POLR2H: variants seen among roughly 807,000 people sequenced by gnomAD.
The protein encoded by POLR2H is RNA polymerase II, I and III subunit H.
In POLR2H, 3 loss-of-function variants were observed where a neutral mutation model predicts 18.1. That is an observed-to-expected ratio of 0.17 (90% confidence interval 0.08 to 0.43). The LOEUF (loss-of-function observed/expected upper bound fraction) is 0.43, where lower values mean the gene tolerates loss of function less well. POLR2H is among the 20% of genes least tolerant of loss of function. POLR2H has a pLI of 0.99. For missense variants in POLR2H, 103 were observed against 184.6 expected (o/e 0.56, Z 2.56); for synonymous variants, 76 against 69.0 (o/e 1.10, Z -0.50).
In POLR2H at chr3:184,366,861, T is replaced by C. The variant is rs945293640; in HGVS notation, c.335+61T>C. On this transcript the variant is annotated intron_variant, in intron 5 of 5. Transcript: ENST00000456318. Reference sequence around the variant, plus strand: ...TTCCATGTTCTGAGACTTTGAGCTATGCTCCTGCTTCCTCTGTTGAGTCCC... The same window carrying C: ...TTCCATGTTCTGAGACTTTGAGCTACGCTCCTGCTTCCTCTGTTGAGTCCC... The C allele has an allele frequency of 4.0e-6, 4 of 997,364 alleles. No homozygotes were observed. The East Asian group carries it at 7.3e-5, about 18-fold the overall frequency. 61.8% of individuals were successfully genotyped at this position (997,364 alleles called of 1,614,324 possible).
intron 3 of POLR2H, 35 bp downstream of exon 3, chr3:184,365,084 T>G (rs1302700029): frequency 2.5e-6 from 4 of 1,584,532 alleles, no homozygotes; most frequent in Non-Finnish European, 3.5e-6. Context: ...TAAGAGACTT[T>G]TTGCTGCTTC....
At chr3:184,367,662 T>G (rs868228412) in intron 5 of POLR2H, among the ~76,000 whole-genome samples, 12 of 152,008 alleles carry the variant, frequency 7.9e-5, no homozygotes, top group Admixed American at 2.0e-4. Flanking sequence ...AATTTTTTTT[T>G]TGTATTTTTA....
At chr3:184,368,146 C>G (rs777039462) in intron 5 of POLR2H, 31 bp from the exon 6 acceptor site, 1 of 1,613,892 alleles carries the variant, frequency 6.2e-7, no homozygotes, top group South Asian at 1.1e-5. Flanking sequence ...GGCAGTGCTC[C>G]AGAATCACGG....
intron 2 of POLR2H, 88 bp downstream of exon 2, chr3:184,363,653 C>A (rs1053435935): frequency 2.1e-6 from 2 of 960,508 alleles, no homozygotes; most frequent in Admixed American, 2.0e-5. Context: ...GCTCTTGTGG[C>A]CTGCCCCTAC....
At chr3:184,366,585 G>A (rs1021486978) in intron 4 of POLR2H, 132 bp from the exon 5 acceptor site, 13 of 564,670 alleles carry the variant, frequency 2.3e-5, no homozygotes, top group African/African-American at 5.7e-5. Context: ...TGATCTGCCC[G>A]CCTTGGCCTC....
chr3:184,363,178 G>A lies in POLR2H; in HGVS notation c.-315G>A. On this transcript the variant is annotated 5_prime_UTR_variant, in exon 2 of 6. Transcript: ENST00000456318. The stretch of plus-strand genomic sequence containing the variant: ...AAGAGGGCGCAGTAGGGCCCCAGCG[G>A]AGCGCGAGAACCCGCTCTACAGCCT... 2.3e-6 allele frequency: 1 copy of A among 427,338 alleles called. No homozygotes were observed. The highest frequency in any genetic ancestry group is 2.1e-5 in the South Asian group (1 of 48,140). The allele number at this position is 427,338 out of a possible 1,614,324, so 26.5% of individuals were successfully genotyped here.
intron 5 of POLR2H, among the ~76,000 whole-genome samples, chr3:184,367,504 TG>T (rs1022110352): frequency 6.6e-6 from 1 of 151,594 alleles, no homozygotes; most frequent in Non-Finnish European, 1.5e-5. Flanking sequence ...TTTTTTTTTT[TG>T]AGATGGAGTC....
intron 4 of POLR2H, among the ~76,000 whole-genome samples, chr3:184,365,789 C>T (rs1179328048): frequency 2.0e-5 from 3 of 151,408 alleles, no homozygotes; most frequent in Non-Finnish European, 2.9e-5. Context: ...CTGGCTAAAA[C>T]GGTGAAACCC....
intron 4 of POLR2H, chr3:184,366,414 T>C (rs1167870840): frequency 5.2e-6 from 1 of 193,162 alleles, no homozygotes; most frequent in African/African-American, 2.4e-5. Context: ...CTCAGTTCAC[T>C]GCAAGCTCCG....
Position 184,364,954 on chromosome 3 carries a change from G to C in POLR2H, c.74-12G>C. The stretch of plus-strand genomic sequence containing the variant: ...GCAATACCTCTGTCACTCTTTTCCT[G>C]CTTCTCCCCAGTGTCTCGACTGCAT... On this transcript the variant is annotated splice_polypyrimidine_tract_variant and intron_variant, in intron 2 of 5. Transcript: ENST00000456318. 2 of 1,591,164 alleles carry C rather than the reference G, an allele frequency of 1.3e-6. No individual in the cohort carries two copies. The highest frequency in any genetic ancestry group is 1.7e-6 in the Non-Finnish European group (2 of 1,159,102).
chr3:184,363,696 A>G (rs1437265744), intron 2 of POLR2H, 131 bp downstream of exon 2: 3 of 656,862 alleles, frequency 4.6e-6, no homozygotes, highest in Middle Eastern at 3.0e-4. Flanking sequence ...CTCCCTCAGT[A>G]AACATTTTAT....
At position 184,368,412 on chromosome 3, in the gene POLR2H, G is replaced by T; in HGVS notation, c.*118G>T. On this transcript the variant is annotated 3_prime_UTR_variant, in exon 6 of 6. Coordinates refer to ENST00000456318, the MANE Select transcript of POLR2H (RefSeq NM_006232.5). Reference sequence around the variant, plus strand: ...AAGGGCTGGCTCACTGTCCACCGTGGCGGCATCTTTAACTGGCCTCCACTC... The same window carrying T: ...AAGGGCTGGCTCACTGTCCACCGTGTCGGCATCTTTAACTGGCCTCCACTC... The T allele has an allele frequency of 2.5e-6, 2 of 793,530 alleles. No homozygotes were observed. The highest frequency in any genetic ancestry group is 4.4e-5 in the South Asian group (2 of 45,520). 49.2% of individuals were successfully genotyped at this position (793,530 alleles called of 1,614,324 possible).
Position 184,368,275 on chromosome 3 carries a change from TGAA to T in POLR2H, c.439_441del (p.Lys147del). The T allele has an allele frequency of 6.2e-7, 1 of 1,603,924 alleles. No individual in the cohort carries two copies. The stretch of plus-strand genomic sequence containing the variant: ...GTGGACTCCAGAGTTTATCTCCTGA[TGAA>T]GAAGCTAGCCTTCTGAACCTCGCCT... On this transcript the variant is annotated inframe_deletion, in exon 6 of 6. Transcript: ENST00000456318.
chr3:184,364,902 C>G (rs1390829352), intron 2 of POLR2H, 64 bp from the exon 3 acceptor site: 7 of 1,078,898 alleles, frequency 6.5e-6, no homozygotes, highest in Non-Finnish European at 1.0e-5. Flanking sequence ...CTGTTGCATA[C>G]AATCCCACAC....
At chr3:184,365,511 G>C in intron 4 of POLR2H, 9 of 261,142 alleles carry the variant, frequency 3.4e-5, no homozygotes, top group East Asian at 8.1e-5. Flanking sequence ...AAAGAAGAGA[G>C]AAAAAAAAAA....
intron 4 of POLR2H, 196 bp from the exon 5 acceptor site, chr3:184,366,521 G>C (rs1031353672): frequency 1.1e-5 from 4 of 377,376 alleles, no homozygotes; most frequent in Non-Finnish European, 2.0e-5. Context: ...TGTATTTTTA[G>C]TAGAGATGGG....
intron 4 of POLR2H, among the ~76,000 whole-genome samples, chr3:184,366,212 G>A (rs745368738): frequency 4.7e-4 from 72 of 152,108 alleles, no homozygotes; most frequent in African/African-American, 1.7e-3. Flanking sequence ...ATCTCCTTCA[G>A]CCTGTTTCCT....
chr3:184,362,104 G>A lies in POLR2H; in HGVS notation c.-663G>A, dbSNP rs1275609428. 3.3e-5 allele frequency: 5 copies of A among 152,458 alleles called. No homozygotes were observed. The East Asian group carries it at 9.7e-4, about 30-fold the overall frequency. 9.4% of individuals were successfully genotyped at this position (152,458 alleles called of 1,614,324 possible). On this transcript the variant is annotated 5_prime_UTR_variant, in exon 1 of 6. Coordinates refer to ENST00000456318, the MANE Select transcript of POLR2H (RefSeq NM_006232.5). The surrounding 1 kb of genome is among the most constrained non-coding windows in gnomAD (Gnocchi z 5.9). ...AAGCTGGAAGGATTCGGAGAGGGTT[G>A]GGGCCGTCTTCCTCATCCTTCCTTT...
In POLR2H at chr3:184,363,489, C is replaced by T. The variant is rs1287172677; in HGVS notation, c.-4C>T. ...CCTTCTGCTGCTCTCGTGGCCCCCT[C>T]GCGATGGCGGGCATCCTGTTTGAGG... On this transcript the variant is annotated 5_prime_UTR_variant, in exon 2 of 6. Transcript: ENST00000456318. 1.9e-6 allele frequency: 3 copies of T among 1,613,626 alleles called. No homozygotes were observed. The highest frequency in any genetic ancestry group is 2.2e-5 in the East Asian group (1 of 44,888).
Sources: gnomAD v4.1 joint callset for allele counts (sites outside exome capture counted in the v4.1 genomes callset) on GRCh38, gnomAD v4.1.1 for gene constraint, Gnocchi (gnomAD v3.1) non-coding constraint, MANE v1.5 for transcripts, NCBI Gene and HGNC (gene_info 2026-07-23, HGNC 2026-07-21) for gene names.